Variants in CEP112 observed in about 807,000 individuals in gnomAD.
The protein encoded by CEP112 is centrosomal protein of 112 kDa.
CEP112 carries 127 observed loss-of-function variants against 153.0 expected under a neutral mutation model. The ratio of observed to expected loss-of-function variants is 0.83; its 90% confidence interval spans 0.72 to 0.96. The LOEUF (loss-of-function observed/expected upper bound fraction) is 0.96, where lower values mean the gene tolerates loss of function less well. CEP112 is among the 40% of genes least tolerant of loss of function. The pLI, the probability that CEP112 is intolerant of heterozygous loss-of-function variation, is 0.00. For missense variants in CEP112, 1,089 were observed against 1,101.2 expected (o/e 0.99, Z 0.16); for synonymous variants, 358 against 374.4 (o/e 0.96, Z 0.51).
chr17:66,144,112 A>C (rs903067216), intron 4 of CEP112, among the ~76,000 whole-genome samples: 1 of 152,204 alleles, frequency 6.6e-6, no homozygotes, highest in Non-Finnish European at 1.5e-5. Context: ...ACTGAGGTAT[A>C]GCTTGCATAC....
intron 23 of CEP112, among the ~76,000 whole-genome samples, chr17:65,729,911 TCAAA>T (rs67336747): frequency 0.36 from 54,683 of 150,870 alleles, 10,254 homozygotes; most frequent in East Asian, 0.64. Flanking sequence ...AGATCCTGTC[TCAAA>T]CAAACAAACA....
Position 66,082,113 on chromosome 17 carries a change from T to C in CEP112, c.769-12112A>G, listed in dbSNP as rs143219538. Among the ~76,000 whole-genome samples, 301 of 152,336 alleles carry C rather than the reference T, an allele frequency of 2.0e-3. 1 individual carries two copies. Among genetic ancestry groups the C allele is most frequent in the Admixed American group, 3.2e-3 (49 of 15,300 alleles). On this transcript the variant is annotated intron_variant, in intron 8 of 26. Coordinates refer to ENST00000535342, the MANE Select transcript of CEP112 (RefSeq NM_001199165.4). ...CTTTCGCCTTTTACCAAAGGAGCAA[T>C]TTCTACCATCTGTTCTCTGAAAAAT...
intron 17 of CEP112, among the ~76,000 whole-genome samples, chr17:65,965,101 CTT>C (rs2062361277): frequency 6.6e-6 from 1 of 152,120 alleles, no homozygotes; most frequent in Non-Finnish European, 1.5e-5. Context: ...TATTTAAACA[CTT>C]TTCATTTAAT....
chr17:65,943,580 T>A (rs1280425945), intron 18 of CEP112, among the ~76,000 whole-genome samples: 1 of 152,230 alleles, frequency 6.6e-6, no homozygotes, highest in African/African-American at 2.4e-5. Context: ...AGAGGTCTAC[T>A]GTTAGTCTGA....
intron 16 of CEP112, among the ~76,000 whole-genome samples, chr17:66,024,894 T>G (rs1417146716): frequency 6.6e-6 from 1 of 152,110 alleles, no homozygotes; most frequent in Non-Finnish European, 1.5e-5. Flanking sequence ...GACCTCAGAT[T>G]ATACTACAAG....
At chr17:65,669,806 G>C (rs888425446) in intron 24 of CEP112, among the ~76,000 whole-genome samples, 1 of 152,002 alleles carries the variant, frequency 6.6e-6, no homozygotes, top group African/African-American at 2.4e-5. Flanking sequence ...AGGAGGCTGA[G>C]GCAGAAGAAT....
intron 20 of CEP112, among the ~76,000 whole-genome samples, chr17:65,877,071 T>C (rs986843313): frequency 2.0e-5 from 3 of 152,224 alleles, no homozygotes; most frequent in African/African-American, 7.2e-5. Context: ...TGAGAAGCTC[T>C]GCACGTGTGT....
chr17:65,696,983 G>A (rs1230372135), intron 23 of CEP112, among the ~76,000 whole-genome samples: 2 of 152,156 alleles, frequency 1.3e-5, no homozygotes, highest in Admixed American at 6.5e-5. Flanking sequence ...ACAGAATGAA[G>A]AGACCAGGGG....
intron 23 of CEP112, among the ~76,000 whole-genome samples, chr17:65,738,193 G>A (rs1258971249): frequency 6.6e-6 from 1 of 152,140 alleles, no homozygotes. Context: ...AAAAGGCCTA[G>A]TATAAACACT....
intron 23 of CEP112, among the ~76,000 whole-genome samples, chr17:65,741,035 T>C (rs1468555295): frequency 6.6e-6 from 1 of 152,180 alleles, no homozygotes; most frequent in Admixed American, 6.5e-5. Context: ...GTAAGACAGA[T>C]TGTGGCTTGA....
At chr17:65,733,717 C>T (rs1158934475) in intron 23 of CEP112, among the ~76,000 whole-genome samples, 1 of 152,104 alleles carries the variant, frequency 6.6e-6, no homozygotes, top group Non-Finnish European at 1.5e-5. Context: ...GTTATCAGAA[C>T]CTTTTATGAT....
Position 65,851,934 on chromosome 17 carries a change from C to T in CEP112, c.2264G>A (p.Arg755His), listed in dbSNP as rs373589628. ...TGTAGCCCTTTGCTTTTCCTCTTCA[C>T]GAAGAAGACCAAGCTCTACCAGCTG... The part of the protein sequence containing the change: ...KQQLVELGLL[R>H]EEEKQRATRE... The change falls in exon 21 of 27, where the codon CGT (arginine) becomes CAT (histidine). Residue 755 changes from arginine (R) to histidine (H), a missense_variant. Arg to His is a conservative substitution (Grantham distance 29). Coordinates refer to ENST00000535342, the MANE Select transcript of CEP112 (RefSeq NM_001199165.4). 83 of 1,613,956 alleles carry T rather than the reference C, an allele frequency of 5.1e-5. No homozygotes were observed. The highest frequency in any genetic ancestry group is 2.0e-4 in the African/African-American group (15 of 74,906).
chr17:65,971,489 A>T (rs61496092), intron 17 of CEP112, among the ~76,000 whole-genome samples: 2 of 151,932 alleles, frequency 1.3e-5, no homozygotes, highest in East Asian at 3.9e-4. Context: ...GTATGACATG[A>T]ATGTCATACA....
intron 10 of CEP112, among the ~76,000 whole-genome samples, chr17:66,065,813 T>G (rs1341356536): frequency 6.6e-6 from 1 of 151,994 alleles, no homozygotes; most frequent in Non-Finnish European, 1.5e-5. Context: ...GTATTTTTAG[T>G]AGAGACAGGG....
intron 1 of CEP112, among the ~76,000 whole-genome samples, chr17:66,188,290 C>A (rs2073018823): frequency 9.5e-6 from 1 of 105,702 alleles, no homozygotes; most frequent in South Asian, 3.1e-4. Flanking sequence ...CACACAAACA[C>A]ACACACACAC....
intron 23 of CEP112, among the ~76,000 whole-genome samples, chr17:65,729,729 T>A (rs1338886794): frequency 6.6e-6 from 1 of 152,074 alleles, no homozygotes; most frequent in Non-Finnish European, 1.5e-5. Context: ...GGCAACATGG[T>A]GAAACCCTGT....
At chr17:66,043,983 C>T (rs1354854318) in intron 12 of CEP112, among the ~76,000 whole-genome samples, 1 of 152,162 alleles carries the variant, frequency 6.6e-6, no homozygotes, top group African/African-American at 2.4e-5. Context: ...CAAGACCTGT[C>T]TACTTTTGAC....
intron 24 of CEP112, among the ~76,000 whole-genome samples, chr17:65,664,200 C>T (rs1342224864): frequency 6.6e-6 from 1 of 152,176 alleles, no homozygotes; most frequent in Non-Finnish European, 1.5e-5. Context: ...GCTCCCAAAG[C>T]TGAGTAGCAG....
intron 23 of CEP112, among the ~76,000 whole-genome samples, chr17:65,715,832 C>T (rs941266026): frequency 5.9e-5 from 9 of 152,044 alleles, no homozygotes; most frequent in South Asian, 2.1e-4. Flanking sequence ...AGTTGAATGC[C>T]GATCAGGGGA....
Sources: allele counts gnomAD v4.1 joint callset (sites outside exome capture counted in the v4.1 genomes callset), GRCh38; gene constraint gnomAD v4.1.1; transcripts MANE v1.5; gene names NCBI Gene and HGNC (gene_info 2026-07-23, HGNC 2026-07-21).